The following TMX4 variants were observed in gnomAD, a reference collection of about 807,000 sequenced individuals.
TMX4 encodes the protein thioredoxin related transmembrane protein 4.
In TMX4, 23 loss-of-function variants were observed where a neutral mutation model predicts 33.3. That is an observed-to-expected ratio of 0.69 (90% CI 0.50 to 0.98). TMX4 has a LOEUF of 0.98. Ranked by LOEUF, TMX4 falls within the 50% of genes least tolerant of loss-of-function variation. TMX4 has a pLI of 0.00. For missense variants in TMX4, 399 were observed against 448.9 expected (o/e 0.89, Z 1.01); for synonymous variants, 164 against 161.5 (o/e 1.02, Z -0.12).
At chr20:8,001,604 C>G in intron 2 of TMX4, 63 bp from the exon 3 acceptor site, 1 of 1,446,236 alleles carries the variant, frequency 6.9e-7, no homozygotes, top group Non-Finnish European at 9.5e-7. Context: ...CATTCTTGAG[C>G]TTACTTTCAT....
At chr20:7,986,704 C>CT (rs2050632220) in intron 6 of TMX4, among the ~76,000 whole-genome samples, 1 of 152,092 alleles carries the variant, frequency 6.6e-6, no homozygotes, top group East Asian at 1.9e-4. Flanking sequence ...ATTTATTATT[C>CT]AACTCTTGCC....
rs969549898 is a variant in TMX4, at chr20:7,980,981, C to T, written c.*1270G>A. The T allele has an allele frequency of 9.9e-5, 15 of 152,058 alleles. No individual in the cohort carries two copies. The highest frequency in any genetic ancestry group is 1.3e-4 in the Non-Finnish European group (9 of 68,022). 9.4% of individuals were successfully genotyped at this position (152,058 alleles called of 1,614,324 possible). On this transcript the variant is annotated 3_prime_UTR_variant, in exon 8 of 8. Coordinates refer to ENST00000246024, the MANE Select transcript of TMX4 (RefSeq NM_021156.4). ...CATAGAATCAACTTTAGGCATCTTT[C>T]GTATGCTTGGAATCGAATTTCATGA...
At chr20:8,006,638 G>T (rs1248375862) in intron 2 of TMX4, among the ~76,000 whole-genome samples, 1 of 152,134 alleles carries the variant, frequency 6.6e-6, no homozygotes, top group East Asian at 1.9e-4. Flanking sequence ...GCTTGCCAGT[G>T]AGTTAGTATC....
chr20:7,979,410 C>T lies in TMX4; in HGVS notation c.*2841G>A, dbSNP rs932490483. The T allele has an allele frequency of 6.6e-6, 1 of 152,040 alleles. No individual in the cohort carries two copies. Among genetic ancestry groups the T allele is most frequent in the Non-Finnish European group, 1.5e-5 (1 of 68,002 alleles). 9.4% of individuals were successfully genotyped at this position (152,040 alleles called of 1,614,324 possible). Reference sequence around the variant, plus strand: ...CTTCTCCAAGATGTTTTTCTCCTCACCCTTCAATTTTTTTTAAAAGTATTT... The same window carrying T: ...CTTCTCCAAGATGTTTTTCTCCTCATCCTTCAATTTTTTTTAAAAGTATTT... On this transcript the variant is annotated 3_prime_UTR_variant, in exon 8 of 8. Transcript: ENST00000246024.
Position 7,982,190 on chromosome 20 carries a change from C to A in TMX4, c.*61G>T, listed in dbSNP as rs146523446. On this transcript the variant is annotated 3_prime_UTR_variant, in exon 8 of 8. Transcript: ENST00000246024. ...AAAATTAAGGATTTGGTACAAACTG[C>A]AGGCCAAAGGGAAGCTGACATATTG... is the stretch of plus-strand genomic sequence containing the variant. 1.0e-3 allele frequency: 1,562 copies of A among 1,521,398 alleles called. 10 individuals are homozygous for A. The African/African-American group carries it at 0.013, about 13-fold the overall frequency. 94.2% of individuals were successfully genotyped at this position (1,521,398 alleles called of 1,614,324 possible).
In TMX4 at chr20:8,011,475, T is replaced by TA. The variant is rs797000608; in HGVS notation, c.177-1161dup. ...GCAAAAGCATGCTGGTAAGTATCAT[T>TA]AAAAAAAAAAATCAATGCAATGACA... On this transcript the variant is annotated intron_variant, in intron 1 of 7. Transcript: ENST00000246024. 5.8e-3 allele frequency among the ~76,000 whole-genome samples: 851 copies of TA among 146,322 alleles called. 10 individuals are homozygous for TA. The highest frequency in any genetic ancestry group is 0.017 in the African/African-American group (701 of 40,190).
chr20:7,994,081 T>C (rs2050666247), intron 5 of TMX4, among the ~76,000 whole-genome samples: 1 of 152,122 alleles, frequency 6.6e-6, no homozygotes, highest in Admixed American at 6.6e-5. Flanking sequence ...TATTTTACAA[T>C]TATACATTTA....
Position 8,001,651 on chromosome 20 carries a change from C to T in TMX4, c.293-110G>A, listed in dbSNP as rs376705187. On this transcript the variant is annotated intron_variant, in intron 2 of 7. Coordinates refer to ENST00000246024, the MANE Select transcript of TMX4 (RefSeq NM_021156.4). ...TAAAATCACTGCAATTGTTGACTCA[C>T]ATTTACTATTTTTTTTGACTTACAG... 138 of 1,058,412 alleles carry T rather than the reference C, an allele frequency of 1.3e-4. 3 individuals carry two copies. The South Asian group carries it at 1.7e-3, about 13-fold the overall frequency. 65.6% of individuals were successfully genotyped at this position (1,058,412 alleles called of 1,614,324 possible). A position where few individuals can be genotyped will look rare whatever the true frequency, so the allele number is the denominator to read the frequency against.
chr20:7,988,219 T>A (rs1421896035), intron 5 of TMX4, among the ~76,000 whole-genome samples: 1 of 152,170 alleles, frequency 6.6e-6, no homozygotes, highest in Admixed American at 6.5e-5. Flanking sequence ...AAATGGCCAT[T>A]AAAATTCAAG....
intron 4 of TMX4, among the ~76,000 whole-genome samples, chr20:7,999,370 C>G (rs1160520618): frequency 6.6e-6 from 1 of 152,046 alleles, no homozygotes; most frequent in Non-Finnish European, 1.5e-5. Context: ...AACTATAATT[C>G]AATAAACAGT....
chr20:8,018,521 A>G (rs865828544), intron 1 of TMX4, among the ~76,000 whole-genome samples: 1 of 42,112 alleles, frequency 2.4e-5, no homozygotes, highest in Non-Finnish European at 3.5e-5. Context: ...AGAGAGAGAG[A>G]GAGAGAGTCT....
chr20:8,005,701 G>A (rs890350139), intron 2 of TMX4, among the ~76,000 whole-genome samples: 2 of 152,108 alleles, frequency 1.3e-5, no homozygotes, highest in East Asian at 3.9e-4. Context: ...CACAGCGGCT[G>A]GACATCGAGA....
At chr20:8,005,771 C>T (rs1378364936) in intron 2 of TMX4, among the ~76,000 whole-genome samples, 3 of 152,100 alleles carry the variant, frequency 2.0e-5, no homozygotes, top group East Asian at 1.9e-4. Flanking sequence ...CAAGTCGACC[C>T]GCAGAACAAC....
At chr20:8,009,029 A>C (rs747234302) in intron 2 of TMX4, among the ~76,000 whole-genome samples, 1 of 152,132 alleles carries the variant, frequency 6.6e-6, no homozygotes, top group Non-Finnish European at 1.5e-5. Context: ...ATTATAGAAA[A>C]TGAATGTCTA....
At chr20:8,000,394 G>A (rs1340392207) in intron 3 of TMX4, among the ~76,000 whole-genome samples, 1 of 151,986 alleles carries the variant, frequency 6.6e-6, no homozygotes, top group Non-Finnish European at 1.5e-5. Flanking sequence ...TGCAACTGGG[G>A]GTTCTGCTCC....
chr20:7,995,256 G>A (rs1413704119), intron 5 of TMX4, among the ~76,000 whole-genome samples: 1 of 152,064 alleles, frequency 6.6e-6, no homozygotes, highest in African/African-American at 2.4e-5. Flanking sequence ...AGGGAGACTC[G>A]CTTCTAAGAC....
intron 2 of TMX4, among the ~76,000 whole-genome samples, chr20:8,005,425 A>G (rs2050724696): frequency 3.3e-5 from 5 of 152,228 alleles, no homozygotes; most frequent in Admixed American, 3.3e-4. Flanking sequence ...CAACATGATT[A>G]TAGTCTCTAG....
In TMX4 at chr20:7,994,813, CT is replaced by C. The variant is rs529928976; in HGVS notation, c.513+1212del. On this transcript the variant is annotated intron_variant, in intron 5 of 7. Transcript: ENST00000246024. ...ATCAACATACTGCAAAAGGCAGAAT[CT>C]CTTTTCAATTCCCAGTTTGCAATTC... Among the ~76,000 whole-genome samples, 51 of 152,238 alleles carry C rather than the reference CT, an allele frequency of 3.4e-4. No homozygotes were observed. The South Asian group carries it at 0.011, about 32-fold the overall frequency.
chr20:8,003,029 G>T (rs1002646158), intron 2 of TMX4, among the ~76,000 whole-genome samples: 3 of 152,116 alleles, frequency 2.0e-5, no homozygotes, highest in Non-Finnish European at 2.9e-5. Context: ...ACTTCTAAGC[G>T]CATTTTCATC....
Sources: allele counts gnomAD v4.1 joint callset (sites outside exome capture counted in the v4.1 genomes callset), GRCh38; gene constraint gnomAD v4.1.1; transcripts MANE v1.5; gene names NCBI Gene and HGNC (gene_info 2026-07-23, HGNC 2026-07-21).